The following PRKN variants were observed in gnomAD, a reference collection of about 807,000 sequenced individuals.
The protein encoded by PRKN is parkin RBR E3 ubiquitin protein ligase.
A neutral mutation model predicts 59.5 loss-of-function variants in PRKN; 56 were observed. The ratio of observed to expected loss-of-function variants is 0.94; its 90% confidence interval spans 0.76 to 1.18. The LOEUF (loss-of-function observed/expected upper bound fraction) is 1.18. PRKN is among the 50% of genes most tolerant of loss of function. PRKN has a pLI of 0.00. For missense variants in PRKN, 657 were observed against 596.4 expected, an observed-to-expected ratio of 1.10 and a Z score of -1.06; for synonymous variants, 250 against 222.1, an observed-to-expected ratio of 1.13 and a Z score of -1.12.
At chr6:161,909,543 A>G (rs1778276630) in intron 6 of PRKN, among the ~76,000 whole-genome samples, 1 of 152,244 alleles carries the variant, frequency 6.6e-6, no homozygotes, top group African/African-American at 2.4e-5. Context: ...GATGTAGAGT[A>G]ATAGGGCCTG....
At chr6:161,453,118 A>T (rs975409772) in intron 9 of PRKN, among the ~76,000 whole-genome samples, 1 of 152,126 alleles carries the variant, frequency 6.6e-6, no homozygotes, top group African/African-American at 2.4e-5. Flanking sequence ...TCATTCCCAC[A>T]ATCTATTTGA....
chr6:162,168,556 CAAAAAAAAAAAA>C (rs771060815), intron 4 of PRKN, among the ~76,000 whole-genome samples: 3 of 47,316 alleles, frequency 6.3e-5, no homozygotes, highest in Non-Finnish European at 7.7e-5. Flanking sequence ...ATCTGTTTTA[CAAAAAAAAAAAA>C]AAAAAAAAAA....
At chr6:161,494,629 G>GAAC (rs766701701) in intron 9 of PRKN, among the ~76,000 whole-genome samples, 1 of 152,164 alleles carries the variant, frequency 6.6e-6, no homozygotes, top group Non-Finnish European at 1.5e-5. Flanking sequence ...TAACAAAACT[G>GAAC]AACATTTTAA....
rs1161782425 is a variant in PRKN at position 161,550,855 on chromosome 6, T to C, written c.934-1852A>G. On this transcript the variant is annotated intron_variant, in intron 8 of 11. Transcript: ENST00000366898. The surrounding 1 kb of genome is among the most constrained non-coding windows in gnomAD (Gnocchi z 4.0). Reference sequence around the variant, plus strand: ...CGATGTCAAAATGTCCAGTATCTAATTGAATAAATAAGTGTAGTTTAGGAG... The same window carrying C: ...CGATGTCAAAATGTCCAGTATCTAACTGAATAAATAAGTGTAGTTTAGGAG... Among the ~76,000 whole-genome samples, 1 of 152,054 alleles carries C rather than the reference T, an allele frequency of 6.6e-6. No individual in the cohort carries two copies. The highest frequency in any genetic ancestry group is 2.4e-5 in the African/African-American group (1 of 41,386).
At chr6:161,912,883 A>G (rs1411938311) in intron 6 of PRKN, among the ~76,000 whole-genome samples, 1 of 152,200 alleles carries the variant, frequency 6.6e-6, no homozygotes, top group Admixed American at 6.5e-5. Context: ...TTTGTTTTAA[A>G]GACATGGGAT....
chr6:162,324,911 CT>C (rs1783195820), intron 2 of PRKN, among the ~76,000 whole-genome samples: 1 of 140,234 alleles, frequency 7.1e-6, no homozygotes, highest in Non-Finnish European at 1.6e-5. Context: ...ACTAATTCAA[CT>C]TTTGCATCTG....
chr6:162,424,712 G>T (rs1189233626), intron 2 of PRKN, among the ~76,000 whole-genome samples: 2 of 151,242 alleles, frequency 1.3e-5, no homozygotes, highest in Admixed American at 1.3e-4. Flanking sequence ...CCCAGCCTGG[G>T]TGACAGAGCA....
At chr6:162,582,179 C>G (rs1446714274) in intron 1 of PRKN, among the ~76,000 whole-genome samples, 1 of 152,168 alleles carries the variant, frequency 6.6e-6, no homozygotes, top group African/African-American at 2.4e-5. Context: ...GAAGACAGCA[C>G]TGAAGCAGAG....
intron 1 of PRKN, among the ~76,000 whole-genome samples, chr6:162,621,101 A>T (rs1782644029): frequency 3.5e-5 from 1 of 28,712 alleles, no homozygotes; most frequent in Non-Finnish European, 6.7e-5. Context: ...ATATCTCCAC[A>T]TATCCAGCTT....
chr6:161,850,574 C>CAAAAAAAAAA (rs10651778), intron 6 of PRKN, among the ~76,000 whole-genome samples: 1 of 88,264 alleles, frequency 1.1e-5, no homozygotes, highest in African/African-American at 4.6e-5. Flanking sequence ...GACTACGTCT[C>CAAAAAAAAAA]AAAAAAAAAA....
intron 1 of PRKN, among the ~76,000 whole-genome samples, chr6:162,492,637 C>A (rs1053420631): frequency 6.6e-6 from 1 of 152,030 alleles, no homozygotes; most frequent in Non-Finnish European, 1.5e-5. Context: ...AACCCCCTCT[C>A]TACTAAAAAA....
rs1779837626 is a variant in PRKN, at chr6:161,547,460, T to A, written c.1083+1394A>T. Among the ~76,000 whole-genome samples, 1 of 152,202 alleles carries A rather than the reference T, an allele frequency of 6.6e-6. No individual in the cohort carries two copies. Among genetic ancestry groups the A allele is most frequent in the African/African-American group, 2.4e-5 (1 of 41,458 alleles). ...TTCACATTACATAAACCCTTCAACATTCTTAAAGCAAGGTCAACAACCAAA... is the reference window on the plus strand; with the variant it reads ...TTCACATTACATAAACCCTTCAACAATCTTAAAGCAAGGTCAACAACCAAA... On this transcript the variant is annotated intron_variant, in intron 9 of 11. Transcript: ENST00000366898. The surrounding 1 kb of genome is among the most constrained non-coding windows in gnomAD (Gnocchi z 4.0).
chr6:161,738,427 G>C (rs1216401988), intron 7 of PRKN, among the ~76,000 whole-genome samples: 1 of 152,158 alleles, frequency 6.6e-6, no homozygotes, highest in Admixed American at 6.5e-5. Flanking sequence ...GAGAGGCTTA[G>C]CTTTTATAAA....
At chr6:161,854,470 A>G (rs544579549) in intron 6 of PRKN, among the ~76,000 whole-genome samples, 3 of 152,218 alleles carry the variant, frequency 2.0e-5, no homozygotes, top group Middle Eastern at 3.4e-3. Flanking sequence ...TCAACCCACA[A>G]TCATCACAGG....
At chr6:162,398,378 C>T (rs1436408029) in intron 2 of PRKN, among the ~76,000 whole-genome samples, 3 of 136,390 alleles carry the variant, frequency 2.2e-5, no homozygotes, top group Non-Finnish European at 4.6e-5. Flanking sequence ...CAACTTCAGC[C>T]AGATCTTTCT....
Position 161,630,652 on chromosome 6 carries a change from C to A in PRKN, c.872-61236G>T, listed in dbSNP as rs561826555. 8.5e-5 allele frequency among the ~76,000 whole-genome samples: 13 copies of A among 152,076 alleles called. 2 individuals carry two copies. The highest frequency in any genetic ancestry group is 8.5e-4 in the Admixed American group (13 of 15,270). On this transcript the variant is annotated intron_variant, in intron 7 of 11. Transcript: ENST00000366898. The stretch of plus-strand genomic sequence containing the variant: ...CAAATTCATCATCTTTAAGTTATGG[C>A]GCTCTCTGGATACCCTCTCCGCAGG...
chr6:161,944,898 T>C lies in PRKN; in HGVS notation c.734+28404A>G, dbSNP rs375742018. On this transcript the variant is annotated intron_variant, in intron 6 of 11. Coordinates refer to ENST00000366898, the MANE Select transcript of PRKN (RefSeq NM_004562.3). ...ATGCTATACAAGAACACAGAATACA[T>C]GCTGTATTTACAAACTTCAAAGGAA... Among the ~76,000 whole-genome samples the C allele has an allele frequency of 1.8e-4, 28 of 152,190 alleles. No homozygotes were observed. In the East Asian group the frequency reaches 2.3e-3, roughly 13 times the overall value.
intron 2 of PRKN, among the ~76,000 whole-genome samples, chr6:162,402,585 G>C: frequency 6.6e-6 from 1 of 151,414 alleles, no homozygotes; most frequent in East Asian, 1.9e-4. Context: ...TTTAACTAAA[G>C]CACTATACAA....
At chr6:161,814,429 T>C (rs866401328) in intron 6 of PRKN, among the ~76,000 whole-genome samples, 1 of 152,190 alleles carries the variant, frequency 6.6e-6, no homozygotes, top group Non-Finnish European at 1.5e-5. Context: ...CTCACAATTA[T>C]AGCAGAAGGC....
Sources: gnomAD v4.1 joint callset for allele counts (sites outside exome capture counted in the v4.1 genomes callset) on GRCh38, gnomAD v4.1.1 for gene constraint, Gnocchi (gnomAD v3.1) non-coding constraint, MANE v1.5 for transcripts, NCBI Gene and HGNC (gene_info 2026-07-23, HGNC 2026-07-21) for gene names.